SLC17A5: variants seen among roughly 807,000 people sequenced by gnomAD.
SLC17A5 encodes sialin.
SLC17A5 carries 47 observed loss-of-function variants against 59.4 expected under a neutral mutation model. The observed-to-expected ratio is 0.79, with a 90% confidence interval of 0.63 to 1.01. The LOEUF is 1.01. Among genes scored for constraint, SLC17A5 ranks in the 50% least tolerant of loss-of-function variants. The probability of loss-of-function intolerance (pLI) is 0.00; values close to 1 mark genes in which losing one functional copy is unlikely to be tolerated. For missense variants in SLC17A5, 522 were observed against 595.5 expected, an observed-to-expected ratio of 0.88 and a Z score of 1.28; for synonymous variants, 202 against 210.7, an observed-to-expected ratio of 0.96 and a Z score of 0.36.
rs3045763 is a variant in SLC17A5 at position 73,605,630 on chromosome 6, AACACACACACACAC to A, written c.1259+4756_1259+4769del. Among the ~76,000 whole-genome samples the A allele has an allele frequency of 8.1e-3, 1,189 of 145,952 alleles. 9 individuals carry two copies. The highest frequency in any genetic ancestry group is 0.021 in the South Asian group (93 of 4,536). Reference sequence around the variant, plus strand: ...CTTTGAGCTAGAACTGCAAGGTTTAAACACACACACACACACACACACACACACACACACACACT... The same window carrying A: ...CTTTGAGCTAGAACTGCAAGGTTTAAACACACACACACACACACACACACT... On this transcript the variant is annotated intron_variant, in intron 9 of 10. Coordinates refer to ENST00000355773, the MANE Select transcript of SLC17A5 (RefSeq NM_012434.5).
intron 6 of SLC17A5, among the ~76,000 whole-genome samples, chr6:73,625,447 A>G (rs1380144566): frequency 6.6e-6 from 1 of 152,144 alleles, no homozygotes; most frequent in Non-Finnish European, 1.5e-5. Context: ...TCGGTCTCCC[A>G]AAGTGCTGGG....
intron 9 of SLC17A5, among the ~76,000 whole-genome samples, chr6:73,605,832 C>T (rs565239186): frequency 6.6e-6 from 1 of 151,920 alleles, no homozygotes; most frequent in African/African-American, 2.4e-5. Flanking sequence ...ACAAAATTAG[C>T]AGGGTGTGGT....
intron 6 of SLC17A5, among the ~76,000 whole-genome samples, chr6:73,628,903 AAT>A (rs1768560446): frequency 6.9e-6 from 1 of 145,358 alleles, no homozygotes; most frequent in African/African-American, 2.8e-5. Context: ...ATTTAAAAAA[AAT>A]TTTTCTTGTC....
Position 73,594,527 on chromosome 6 carries a change from C to T in SLC17A5, c.*550G>A, listed in dbSNP as rs538417413. On this transcript the variant is annotated 3_prime_UTR_variant, in exon 11 of 11. Coordinates refer to ENST00000355773, the MANE Select transcript of SLC17A5 (RefSeq NM_012434.5). ...GGGCTTGGATGCTGCCTCTGATAAACGCTGGGCACTCTGACCCTGAAGCCA... is the reference window on the plus strand; with the variant it reads ...GGGCTTGGATGCTGCCTCTGATAAATGCTGGGCACTCTGACCCTGAAGCCA... 52 of 170,466 alleles carry T rather than the reference C, an allele frequency of 3.1e-4. No individual in the cohort carries two copies. The highest frequency in any genetic ancestry group is 5.2e-4 in the Non-Finnish European group (41 of 79,054). The allele number at this position is 170,466 out of a possible 1,614,324, so 10.6% of individuals were successfully genotyped here. A position where few individuals can be genotyped will look rare whatever the true frequency, so the allele number is the denominator to read the frequency against.
Position 73,598,056 on chromosome 6 carries a change from G to C in SLC17A5, c.1350+2295C>G, listed in dbSNP as rs543205866. On this transcript the variant is annotated intron_variant, in intron 10 of 10. Transcript: ENST00000355773. The stretch of plus-strand genomic sequence containing the variant: ...ATACCAGAAAGAAATGTTTGAAACA[G>C]CTTCTTAGGATTACTAAGACAAAGC... 9.9e-5 allele frequency among the ~76,000 whole-genome samples: 15 copies of C among 152,280 alleles called. No individual in the cohort carries two copies. The South Asian group carries it at 3.1e-3, about 32-fold the overall frequency.
Position 73,604,928 on chromosome 6 carries a change from TTA to T in SLC17A5, c.1260-4489_1260-4488del, listed in dbSNP as rs1331431929. ...GATATCAGACATGTTTATAAGGGTTTTATATATCATATTATATCATTTTAATT... is the reference window on the plus strand; with the variant it reads ...GATATCAGACATGTTTATAAGGGTTTTATATCATATTATATCATTTTAATT... On this transcript the variant is annotated intron_variant, in intron 9 of 10. Coordinates refer to ENST00000355773, the MANE Select transcript of SLC17A5 (RefSeq NM_012434.5). Among the ~76,000 whole-genome samples the T allele has an allele frequency of 2.6e-5, 4 of 152,334 alleles. No individual in the cohort carries two copies. The East Asian group carries it at 7.7e-4, about 29-fold the overall frequency.
intron 7 of SLC17A5, chr6:73,618,469 A>G (rs1767979603): frequency 8.8e-6 from 4 of 455,292 alleles, no homozygotes; most frequent in Non-Finnish European, 1.6e-5. Context: ...ACGCTATAAA[A>G]TCATCACGGT....
intron 8 of SLC17A5, among the ~76,000 whole-genome samples, chr6:73,614,455 C>T (rs962339790): frequency 4.6e-5 from 7 of 152,206 alleles, no homozygotes; most frequent in Admixed American, 2.6e-4. Flanking sequence ...TCTCTGCCCC[C>T]GGTTTTTTGG....
At chr6:73,609,018 T>G (rs748527405) in intron 9 of SLC17A5, among the ~76,000 whole-genome samples, 5 of 152,064 alleles carry the variant, frequency 3.3e-5, no homozygotes, top group Non-Finnish European at 5.9e-5. Context: ...CAGCTTATCT[T>G]AGAGTATTTA....
At chr6:73,615,233 C>T (rs1434560144) in intron 8 of SLC17A5, 82 bp downstream of exon 8, 3 of 1,491,046 alleles carry the variant, frequency 2.0e-6, no homozygotes, top group Non-Finnish European at 2.8e-6. Context: ...AAGTGGGAAA[C>T]ACACTTTGTT....
chr6:73,625,285 C>T (rs1406014360), intron 6 of SLC17A5, among the ~76,000 whole-genome samples: 1 of 152,148 alleles, frequency 6.6e-6, no homozygotes, highest in Non-Finnish European at 1.5e-5. Flanking sequence ...CTCTGAGGTT[C>T]AAACGATTCT....
At chr6:73,626,088 C>T (rs542226835) in intron 6 of SLC17A5, among the ~76,000 whole-genome samples, 201 of 152,272 alleles carry the variant, frequency 1.3e-3, no homozygotes, top group Non-Finnish European at 1.5e-3. Context: ...TATTTGATCT[C>T]TGAAAACTGA....
At chr6:73,631,756 G>C (rs1321668591) in intron 6 of SLC17A5, among the ~76,000 whole-genome samples, 1 of 151,764 alleles carries the variant, frequency 6.6e-6, no homozygotes, top group Non-Finnish European at 1.5e-5. Context: ...ATATTGTATT[G>C]AAATTCTGTC....
At chr6:73,605,137 A>G (rs1398379733) in intron 9 of SLC17A5, among the ~76,000 whole-genome samples, 1 of 152,110 alleles carries the variant, frequency 6.6e-6, no homozygotes, top group African/African-American at 2.4e-5. Context: ...GAGCCACTGC[A>G]CCCAGCTGGA....
intron 10 of SLC17A5, 67 bp from the exon 11 acceptor site, chr6:73,595,281 T>G: frequency 6.4e-7 from 1 of 1,562,844 alleles, no homozygotes; most frequent in South Asian, 1.1e-5. Flanking sequence ...ATTAAAAAGA[T>G]AGTGTCACAA....
intron 7 of SLC17A5, among the ~76,000 whole-genome samples, chr6:73,618,946 C>A (rs922358422): frequency 6.6e-6 from 1 of 152,054 alleles, no homozygotes; most frequent in African/African-American, 2.4e-5. Flanking sequence ...AGGCTGGTCT[C>A]GAACTCTTGA....
At chr6:73,615,748 G>A (rs1767824560) in intron 7 of SLC17A5, among the ~76,000 whole-genome samples, 1 of 151,852 alleles carries the variant, frequency 6.6e-6, no homozygotes, top group South Asian at 2.1e-4. Flanking sequence ...AAACCTTCCT[G>A]TTAGCCTATG....
At chr6:73,649,523 T>C (rs1769747117) in intron 1 of SLC17A5, among the ~76,000 whole-genome samples, 1 of 152,170 alleles carries the variant, frequency 6.6e-6, no homozygotes, top group African/African-American at 2.4e-5. Flanking sequence ...GAGGATGGCT[T>C]GAGTCTGGGA....
chr6:73,615,340 A>C lies in SLC17A5; in HGVS notation c.1086T>G (p.Cys362Trp). Residue 362 changes from cysteine to tryptophan, a missense_variant, in exon 8 of 11, where the codon TGT becomes TGG. Cys to Trp is a radical substitution (Grantham distance 215). Coordinates refer to ENST00000355773, the MANE Select transcript of SLC17A5 (RefSeq NM_012434.5). ...LRAKWNFSTL[C>W]VRRIFSLIGM... ...CTATAAGGCTAAAAATTCTGCGAAC[A>C]CATAAAGTTGAAAAATTCCATTTTG... 6.2e-7 allele frequency: 1 copy of C among 1,614,148 alleles called. No homozygotes were observed. Among genetic ancestry groups the C allele is most frequent in the Non-Finnish European group, 8.5e-7 (1 of 1,180,028 alleles).
Sources: gnomAD v4.1 joint callset for allele counts (sites outside exome capture counted in the v4.1 genomes callset) on GRCh38, gnomAD v4.1.1 for gene constraint, MANE v1.5 for transcripts, NCBI Gene and HGNC (gene_info 2026-07-23, HGNC 2026-07-21) for gene names.